Variants in ESRRB observed in about 807,000 individuals in gnomAD.
ESRRB encodes estrogen related receptor beta.
A neutral mutation model predicts 46.0 loss-of-function variants in ESRRB; 16 were observed. That is an observed-to-expected ratio of 0.35 (90% confidence interval 0.24 to 0.53). The LOEUF is 0.53. Among genes scored for constraint, ESRRB ranks in the 20% least tolerant of loss-of-function variants. The pLI is 0.93. For missense variants in ESRRB, 488 were observed against 607.4 expected (o/e 0.80, Z 2.07); for synonymous variants, 246 against 259.6 (o/e 0.95, Z 0.50).
chr14:76,456,856 A>C (rs1046854224), intron 2 of ESRRB, among the ~76,000 whole-genome samples: 14 of 152,280 alleles, frequency 9.2e-5, no homozygotes, highest in Admixed American at 2.6e-4. Context: ...TGGGCAACGC[A>C]GAGATGAAAG....
intron 3 of ESRRB, among the ~76,000 whole-genome samples, chr14:76,465,817 G>A (rs905085503): frequency 5.9e-5 from 9 of 152,252 alleles, no homozygotes; most frequent in Admixed American, 1.3e-4. Context: ...CCAGATCCAA[G>A]AGCGGGGAGA....
intron 1 of ESRRB, among the ~76,000 whole-genome samples, chr14:76,417,944 C>CTTTT (rs869242837): frequency 2.0e-4 from 18 of 91,314 alleles, no homozygotes; most frequent in East Asian, 3.6e-4. Flanking sequence ...CTTTTACATA[C>CTTTT]TTTTTTTTTT....
At chr14:76,452,097 A>G (rs1479043769) in intron 2 of ESRRB, among the ~76,000 whole-genome samples, 2 of 151,000 alleles carry the variant, frequency 1.3e-5, no homozygotes, top group Admixed American at 6.6e-5. Flanking sequence ...GCATGCCACC[A>G]CACCTGGCTA....
At chr14:76,478,688 C>A (rs993360930) in intron 3 of ESRRB, among the ~76,000 whole-genome samples, 19 of 152,070 alleles carry the variant, frequency 1.2e-4, no homozygotes, top group African/African-American at 4.1e-4. Flanking sequence ...GTCCTGTCAC[C>A]ATTCCAAGGG....
chr14:76,372,990 C>A (rs1035350395), upstream of ESRRB, among the ~76,000 whole-genome samples: 1 of 152,176 alleles, frequency 6.6e-6, no homozygotes, highest in East Asian at 1.9e-4. Context: ...TTTCCTTTGT[C>A]AAATCTGATG....
At chr14:76,429,097 C>A (rs187012572) in intron 1 of ESRRB, among the ~76,000 whole-genome samples, 154 of 152,084 alleles carry the variant, frequency 1.0e-3, no homozygotes, top group Non-Finnish European at 1.5e-4. Context: ...AGAGACGGGG[C>A]TGTGTTAGCA....
intron 1 of ESRRB, among the ~76,000 whole-genome samples, chr14:76,389,504 TG>T: frequency 6.6e-6 from 1 of 152,290 alleles, no homozygotes; most frequent in East Asian, 1.9e-4. Flanking sequence ...AAGAAGGGCC[TG>T]GGAAGAGGTA....
chr14:76,354,270 G>C (rs1884351994), intron 1 of ESRRB, among the ~76,000 whole-genome samples: 2 of 115,900 alleles, frequency 1.7e-5, no homozygotes, highest in Admixed American at 2.2e-4. Context: ...CCATGTGCCT[G>C]TCATTAGTGT....
chr14:76,404,390 C>T (rs1020113002), intron 1 of ESRRB: 1 of 151,316 alleles, frequency 6.6e-6, no homozygotes, highest in African/African-American at 2.4e-5. Flanking sequence ...CTGTCTCTCC[C>T]ACCAGAATAA....
intron 3 of ESRRB, among the ~76,000 whole-genome samples, chr14:76,469,951 T>TTTG (rs1889311251): frequency 7.5e-6 from 1 of 133,368 alleles, no homozygotes; most frequent in African/African-American, 3.0e-5. Flanking sequence ...TTTCTTTTTT[T>TTTG]TTTTTTTTTT....
chr14:76,417,559 C>T (rs191223266), intron 1 of ESRRB, among the ~76,000 whole-genome samples: 140 of 152,234 alleles, frequency 9.2e-4, no homozygotes, highest in African/African-American at 3.3e-3. Context: ...TGCCTGTGTG[C>T]GTGCATATGT....
intron 2 of ESRRB, among the ~76,000 whole-genome samples, chr14:76,443,846 T>C (rs1007923648): frequency 2.6e-5 from 4 of 152,222 alleles, no homozygotes; most frequent in South Asian, 2.1e-4. Flanking sequence ...GCGAATAGGA[T>C]AATGATCTCT....
intron 2 of ESRRB, among the ~76,000 whole-genome samples, chr14:76,456,246 G>C (rs184347307): frequency 6.6e-6 from 1 of 152,078 alleles, no homozygotes; most frequent in Non-Finnish European, 1.5e-5. Context: ...TAGCTACCTA[G>C]GTTTCTACTT....
At chr14:76,440,905 G>T (rs185950330) in intron 2 of ESRRB, among the ~76,000 whole-genome samples, 1 of 152,080 alleles carries the variant, frequency 6.6e-6, no homozygotes, top group Non-Finnish European at 1.5e-5. Flanking sequence ...AAAATCAGCC[G>T]GGTGTAGTGT....
At chr14:76,350,994 A>T (rs1201433208) in intron 1 of ESRRB, among the ~76,000 whole-genome samples, 1 of 152,206 alleles carries the variant, frequency 6.6e-6, no homozygotes, top group East Asian at 1.9e-4. Flanking sequence ...CTTGACTGGT[A>T]ACCATGGGTC....
At chr14:76,368,848 C>T (rs1434478849), upstream of ESRRB, among the ~76,000 whole-genome samples, 1 of 152,186 alleles carries the variant, frequency 6.6e-6, no homozygotes, top group Non-Finnish European at 1.5e-5. Flanking sequence ...TTACAGTATA[C>T]ATCTGTGAAG....
chr14:76,456,342 C>T (rs1163835053), intron 2 of ESRRB, among the ~76,000 whole-genome samples: 1 of 152,136 alleles, frequency 6.6e-6, no homozygotes, highest in Non-Finnish European at 1.5e-5. Context: ...GCTCCATGTG[C>T]CATGATGGGC....
intron 1 of ESRRB, among the ~76,000 whole-genome samples, chr14:76,337,239 G>A (rs983000411): frequency 1.3e-5 from 2 of 152,204 alleles, no homozygotes; most frequent in African/African-American, 4.8e-5. Context: ...TGCAGTGGCC[G>A]AGACTCTCCT....
In ESRRB at chr14:76,500,060, A is replaced by C. The variant is rs764147638; in HGVS notation, c.*1602A>C. ...TCTCACCCAGCACTAGGACACCAGG[A>C]GGCCAGGTAACTTTCTGCAGCTTTT... On this transcript the variant is annotated 3_prime_UTR_variant, in exon 7 of 7. Transcript: ENST00000644823. The C allele has an allele frequency of 3.9e-6, 6 of 1,550,592 alleles. No individual in the cohort carries two copies. In the South Asian group the frequency reaches 7.1e-5, roughly 18 times the overall value.
Sources: allele counts gnomAD v4.1 joint callset (sites outside exome capture counted in the v4.1 genomes callset), GRCh38; gene constraint gnomAD v4.1.1; transcripts MANE v1.5; gene names NCBI Gene and HGNC (gene_info 2026-07-23, HGNC 2026-07-21).